Variants in ANXA10 observed in about 807,000 individuals in gnomAD.
The protein encoded by ANXA10 is annexin 14.
A neutral mutation model predicts 53.5 loss-of-function variants in ANXA10; 49 were observed. The observed-to-expected ratio is 0.92, with a 90% confidence interval of 0.73 to 1.16. ANXA10 has a LOEUF of 1.16. ANXA10 is among the 50% of genes most tolerant of loss of function. The probability of loss-of-function intolerance (pLI) is 0.00; values close to 1 mark genes in which losing one functional copy is unlikely to be tolerated. For missense variants in ANXA10, 393 were observed against 394.4 expected (o/e 1.00, Z 0.03); for synonymous variants, 131 against 128.9 (o/e 1.02, Z -0.11).
intron 3 of ANXA10, among the ~76,000 whole-genome samples, chr4:168,159,820 G>A (rs1362877097): frequency 6.6e-6 from 1 of 152,086 alleles, no homozygotes; most frequent in African/African-American, 2.4e-5. Context: ...TGTATGAAAG[G>A]TGGTGTTGGA....
chr4:168,093,131 T>C (rs560964033), intron 1 of ANXA10, among the ~76,000 whole-genome samples: 3 of 152,184 alleles, frequency 2.0e-5, no homozygotes, highest in African/African-American at 7.2e-5. Context: ...CAGAGGCAAG[T>C]TACTTTCATA....
chr4:168,165,590 T>G (rs1389762183), intron 6 of ANXA10, among the ~76,000 whole-genome samples: 1 of 152,154 alleles, frequency 6.6e-6, no homozygotes, highest in Non-Finnish European at 1.5e-5. Context: ...TATACATGTA[T>G]GTATAATTAA....
intron 9 of ANXA10, among the ~76,000 whole-genome samples, chr4:168,180,567 T>C (rs1732220960): frequency 6.6e-6 from 1 of 152,154 alleles, no homozygotes. Context: ...GATAGAACAA[T>C]GAAACAACAA....
chr4:168,165,049 A>T (rs778039171), intron 5 of ANXA10, 198 bp from the exon 6 acceptor site: 20 of 328,420 alleles, frequency 6.1e-5, no homozygotes, highest in Admixed American at 1.5e-4. Flanking sequence ...AAAGATTTTT[A>T]AAAAATAGTC....
chr4:168,119,728 G>T (rs1373094976), intron 1 of ANXA10, among the ~76,000 whole-genome samples: 1 of 152,086 alleles, frequency 6.6e-6, no homozygotes, highest in Non-Finnish European at 1.5e-5. Context: ...TTGAGAAATA[G>T]AAAGTACTAC....
At chr4:168,146,576 G>A (rs1731410288) in intron 3 of ANXA10, among the ~76,000 whole-genome samples, 1 of 152,170 alleles carries the variant, frequency 6.6e-6, no homozygotes, top group Non-Finnish European at 1.5e-5. Context: ...GCTTTTGAGG[G>A]TATATGTGTT....
chr4:168,097,491 TTA>T (rs1245283975), intron 1 of ANXA10, among the ~76,000 whole-genome samples: 1 of 152,042 alleles, frequency 6.6e-6, no homozygotes, highest in Non-Finnish European at 1.5e-5. Flanking sequence ...TTTTCTGAAT[TTA>T]TGTCTCAACC....
chr4:168,150,593 C>T (rs377508619), intron 3 of ANXA10, among the ~76,000 whole-genome samples: 1 of 152,110 alleles, frequency 6.6e-6, no homozygotes, highest in Non-Finnish European at 1.5e-5. Flanking sequence ...AACAGGGTGG[C>T]TGAATATACA....
In ANXA10 at chr4:168,093,323, T is replaced by C. The variant is rs566390035; in HGVS notation, c.18+605T>C. Among the ~76,000 whole-genome samples, 12 of 152,294 alleles carry C rather than the reference T, an allele frequency of 7.9e-5. 1 individual carries two copies. The highest frequency in any genetic ancestry group is 2.6e-4 in the Admixed American group (4 of 15,284). On this transcript the variant is annotated intron_variant, in intron 1 of 11. Transcript: ENST00000359299. ...TGAATAGAAGCAATGTATAACAAGA[T>C]TTAGTCTTTTTTTTGGCCTTGTCTG...
At chr4:168,118,897 T>C (rs1730941123) in intron 1 of ANXA10, among the ~76,000 whole-genome samples, 1 of 152,158 alleles carries the variant, frequency 6.6e-6, no homozygotes, top group Admixed American at 6.5e-5. Flanking sequence ...TAATAAATTT[T>C]GTAACTAATT....
At chr4:168,157,702 T>A (rs1731713294) in intron 3 of ANXA10, among the ~76,000 whole-genome samples, 1 of 152,214 alleles carries the variant, frequency 6.6e-6, no homozygotes. Context: ...TTCTAGAATT[T>A]AATATAAATG....
chr4:168,185,440 G>A (rs1732350941), intron 11 of ANXA10, among the ~76,000 whole-genome samples: 1 of 152,188 alleles, frequency 6.6e-6, no homozygotes, highest in African/African-American at 2.4e-5. Flanking sequence ...CTAATTCGGA[G>A]GGACTTAATG....
intron 1 of ANXA10, among the ~76,000 whole-genome samples, chr4:168,112,443 C>T (rs982503353): frequency 8.5e-5 from 13 of 152,070 alleles, no homozygotes; most frequent in African/African-American, 2.7e-4. Context: ...GAGCACTTGG[C>T]GGACTATTTT....
At chr4:168,125,399 T>A (rs1189062163) in intron 1 of ANXA10, among the ~76,000 whole-genome samples, 1 of 152,164 alleles carries the variant, frequency 6.6e-6, no homozygotes, top group Non-Finnish European at 1.5e-5. Context: ...AGCAGGTGTC[T>A]TGTTAGTCAA....
At chr4:168,106,032 G>T (rs1730715058) in intron 1 of ANXA10, among the ~76,000 whole-genome samples, 1 of 152,026 alleles carries the variant, frequency 6.6e-6, no homozygotes, top group Admixed American at 6.6e-5. Context: ...ATAAATGCTG[G>T]ATGTTTGACC....
At chr4:168,155,399 ATAT>A (rs1338803004) in intron 3 of ANXA10, among the ~76,000 whole-genome samples, 1 of 103,934 alleles carries the variant, frequency 9.6e-6, no homozygotes, top group African/African-American at 3.8e-5. Flanking sequence ...ATTATATATT[ATAT>A]ATTATATTAT....
intron 1 of ANXA10, among the ~76,000 whole-genome samples, chr4:168,095,794 G>A (rs1477404090): frequency 1.3e-5 from 2 of 152,006 alleles, no homozygotes; most frequent in East Asian, 3.9e-4. Context: ...CAGATACAGA[G>A]GATTCTGTGT....
chr4:168,184,519 T>C (rs766533692), intron 10 of ANXA10, 40 bp from the exon 11 acceptor site: 1 of 1,610,198 alleles, frequency 6.2e-7, no homozygotes, highest in Non-Finnish European at 8.5e-7. Context: ...ACTTTTAGGA[T>C]GCTGTCTTCT....
intron 1 of ANXA10, among the ~76,000 whole-genome samples, chr4:168,096,482 C>A (rs896531003): frequency 1.3e-5 from 2 of 152,112 alleles, no homozygotes; most frequent in African/African-American, 4.8e-5. Context: ...CTTGAACTGG[C>A]ATGCATGCTT....
Sources: allele counts gnomAD v4.1 joint callset (sites outside exome capture counted in the v4.1 genomes callset), GRCh38; gene constraint gnomAD v4.1.1; transcripts MANE v1.5; gene names NCBI Gene and HGNC (gene_info 2026-07-23, HGNC 2026-07-21).